The following TBC1D1 variants were observed in gnomAD, a reference collection of about 807,000 sequenced individuals.
TBC1D1 encodes the protein TBC1 (tre-2/USP6, BUB2, cdc16) domain family, member 1.
In TBC1D1, 89 loss-of-function variants were observed where a neutral mutation model predicts 125.6. That is an observed-to-expected ratio of 0.71 (90% confidence interval 0.60 to 0.85). The LOEUF is 0.85. Among genes scored for constraint, TBC1D1 ranks in the 40% least tolerant of loss-of-function variants. The pLI is 0.00. For missense variants in TBC1D1, 1,377 were observed against 1,469.2 expected (o/e 0.94, Z 1.03); for synonymous variants, 565 against 564.1 (o/e 1.00, Z -0.02).
chr4:38,075,594 A>G (rs1482846893), intron 12 of TBC1D1, among the ~76,000 whole-genome samples: 1 of 152,184 alleles, frequency 6.6e-6, no homozygotes, highest in Non-Finnish European at 1.5e-5. Flanking sequence ...GCACAAAAGT[A>G]TTTCCTAATT....
chr4:37,975,907 C>A (rs1027136669), intron 2 of TBC1D1, among the ~76,000 whole-genome samples: 4 of 152,050 alleles, frequency 2.6e-5, no homozygotes, highest in African/African-American at 7.2e-5. Context: ...ACAGCTCGTG[C>A]CCTGGGTCTC....
rs1578297767 is a variant in TBC1D1 at position 38,020,212 on chromosome 4, C to T, written c.973-379C>T. ...TTAAAATTGTGCTGTGTAGGCCAGG[C>T]GCAGTGGTTCACGCCTGTAATCCCA... On this transcript the variant is annotated intron_variant, in intron 4 of 19. Coordinates refer to ENST00000261439, the MANE Select transcript of TBC1D1 (RefSeq NM_015173.4). Among the ~76,000 whole-genome samples the T allele has an allele frequency of 3.3e-5, 5 of 152,078 alleles. No individual in the cohort carries two copies. In the South Asian group the frequency reaches 8.3e-4, roughly 25 times the overall value.
chr4:37,933,191 A>C (rs1010177005), intron 2 of TBC1D1, among the ~76,000 whole-genome samples: 2 of 152,152 alleles, frequency 1.3e-5, no homozygotes, highest in African/African-American at 2.4e-5. Context: ...TCAGTTTTAC[A>C]CCCATATGCA....
intron 18 of TBC1D1, among the ~76,000 whole-genome samples, chr4:38,127,703 T>C (rs575975776): frequency 6.6e-6 from 1 of 152,236 alleles, no homozygotes; most frequent in East Asian, 1.9e-4. Flanking sequence ...TTAATAACTC[T>C]AGGACATAGG....
intron 2 of TBC1D1, among the ~76,000 whole-genome samples, chr4:37,948,473 G>T (rs1007444255): frequency 4.6e-5 from 7 of 151,952 alleles, no homozygotes; most frequent in Admixed American, 4.6e-4. Flanking sequence ...CTGAAAATAC[G>T]AAAATTTGCT....
chr4:37,928,567 C>T (rs1231743750), intron 2 of TBC1D1, among the ~76,000 whole-genome samples: 2 of 152,164 alleles, frequency 1.3e-5, no homozygotes, highest in Admixed American at 6.5e-5. Flanking sequence ...CTGGATTGTA[C>T]TTTCTCTCTT....
chr4:38,094,061 G>A lies in TBC1D1; in HGVS notation c.2237-1868G>A, dbSNP rs571383078. Among the ~76,000 whole-genome samples the A allele has an allele frequency of 3.9e-5, 6 of 152,318 alleles. No individual in the cohort carries two copies. The East Asian group carries it at 1.2e-3, about 29-fold the overall frequency. On this transcript the variant is annotated intron_variant, in intron 13 of 19. Coordinates refer to ENST00000261439, the MANE Select transcript of TBC1D1 (RefSeq NM_015173.4). ...CATTTTTCTTAGTTAAATAATACATGATGGTTTAAAAATCAAATATTCAGT... is the reference window on the plus strand; with the variant it reads ...CATTTTTCTTAGTTAAATAATACATAATGGTTTAAAAATCAAATATTCAGT...
chr4:38,071,501 C>G (rs1280361100), intron 12 of TBC1D1, among the ~76,000 whole-genome samples: 1 of 152,128 alleles, frequency 6.6e-6, no homozygotes. Context: ...ACAATTAAAA[C>G]CTGTTTTTTG....
chr4:37,906,336 C>G (rs1327180054), intron 2 of TBC1D1, among the ~76,000 whole-genome samples: 1 of 152,118 alleles, frequency 6.6e-6, no homozygotes, highest in African/African-American at 2.4e-5. Flanking sequence ...TTAGTAGAGA[C>G]AGGGTTTCAC....
At chr4:37,891,398 G>C (rs1250091353) in intron 1 of TBC1D1, 50 bp downstream of exon 1, 2 of 152,368 alleles carry the variant, frequency 1.3e-5, no homozygotes, top group South Asian at 4.1e-4. Flanking sequence ...GGCTCCTCTC[G>C]GGGCGTCGCG....
intron 2 of TBC1D1, among the ~76,000 whole-genome samples, chr4:37,970,975 A>G (rs1160223546): frequency 6.6e-6 from 1 of 152,020 alleles, no homozygotes; most frequent in African/African-American, 2.4e-5. Flanking sequence ...GCCTGGCATC[A>G]CCTCCTAAAC....
chr4:37,987,304 T>C (rs77520927), intron 2 of TBC1D1, among the ~76,000 whole-genome samples: 11 of 152,046 alleles, frequency 7.2e-5, no homozygotes, highest in African/African-American at 2.7e-4. Flanking sequence ...TTTTTTTTTT[T>C]CAGGAAAGAA....
rs750017159 is a variant in TBC1D1 at position 38,102,979 on chromosome 4, G to A, written c.2399-20G>A. ...TATTCTGTGCATAAATTATTTCCAT[G>A]TCTTCTCTCCCTTTTAAAGGTGTGC... On this transcript the variant is annotated intron_variant, in intron 14 of 19. Coordinates refer to ENST00000261439, the MANE Select transcript of TBC1D1 (RefSeq NM_015173.4). 2.5e-6 allele frequency: 4 copies of A among 1,604,346 alleles called. No individual in the cohort carries two copies. The highest frequency in any genetic ancestry group is 3.4e-6 in the Non-Finnish European group (4 of 1,176,080).
chr4:38,091,342 T>TG (rs1482261467), intron 13 of TBC1D1, among the ~76,000 whole-genome samples: 2 of 152,162 alleles, frequency 1.3e-5, no homozygotes, highest in African/African-American at 4.8e-5. Context: ...GATAGCACAC[T>TG]GGGGGGCGTT....
rs1346895427 is a variant in TBC1D1, at chr4:38,052,717, C to T, written c.1911-1482C>T. 9.5e-5 allele frequency among the ~76,000 whole-genome samples: 6 copies of T among 63,364 alleles called. No individual in the cohort carries two copies. In the South Asian group the frequency reaches 4.3e-3, roughly 46 times the overall value. The allele number at this position is 63,364 out of a possible 152,430, so 41.6% of individuals were successfully genotyped here. On this transcript the variant is annotated intron_variant, in intron 11 of 19. Coordinates refer to ENST00000261439, the MANE Select transcript of TBC1D1 (RefSeq NM_015173.4). ...GCATGCGTATATACACACACACGCG[C>T]GCGCGCGCGCGCACACACACACACA...
At chr4:38,077,581 C>G (rs1265809702) in intron 12 of TBC1D1, among the ~76,000 whole-genome samples, 1 of 150,976 alleles carries the variant, frequency 6.6e-6, no homozygotes, top group Admixed American at 6.6e-5. Flanking sequence ...TTATAAATGT[C>G]ATATGGCAGA....
chr4:38,084,279 T>G (rs1757102142), intron 12 of TBC1D1, among the ~76,000 whole-genome samples: 1 of 152,244 alleles, frequency 6.6e-6, no homozygotes, highest in Non-Finnish European at 1.5e-5. Flanking sequence ...AGCTAGACTG[T>G]CATATAATGC....
intron 2 of TBC1D1, among the ~76,000 whole-genome samples, chr4:37,996,848 C>T (rs1230400873): frequency 6.6e-6 from 1 of 152,208 alleles, no homozygotes; most frequent in Non-Finnish European, 1.5e-5. Context: ...CACAAAGGCA[C>T]CCAGCCAGTG....
intron 12 of TBC1D1, among the ~76,000 whole-genome samples, chr4:38,061,769 G>A (rs1752814470): frequency 6.6e-6 from 1 of 152,126 alleles, no homozygotes; most frequent in South Asian, 2.1e-4. Flanking sequence ...AAACAGTAAT[G>A]CCTAAACTGA....
Sources: gnomAD v4.1 joint callset for allele counts (sites outside exome capture counted in the v4.1 genomes callset) on GRCh38, gnomAD v4.1.1 for gene constraint, MANE v1.5 for transcripts, NCBI Gene and HGNC (gene_info 2026-07-23, HGNC 2026-07-21) for gene names.